The following LTBP2 variants were observed in gnomAD, a reference collection of about 807,000 sequenced individuals.
The protein encoded by LTBP2 is latent transforming growth factor beta binding protein 2.
In LTBP2, 103 loss-of-function variants were observed where a neutral mutation model predicts 210.6. The ratio of observed to expected loss-of-function variants is 0.49; its 90% CI spans 0.42 to 0.58. The LOEUF is 0.58. LTBP2 is among the 20% of genes least tolerant of loss of function. The pLI is 0.00. For synonymous variants in LTBP2, 1,007 were observed against 1,015.0 expected (o/e 0.99, Z 0.15); for missense variants, 2,313 against 2,494.5 (o/e 0.93, Z 1.55).
At chr14:74,602,467 T>C (rs533791300) in intron 2 of LTBP2, among the ~76,000 whole-genome samples, 32 of 152,316 alleles carry the variant, frequency 2.1e-4, no homozygotes, top group African/African-American at 7.2e-4. Flanking sequence ...GAAGGTAAGA[T>C]ACCTGGCAGC....
intron 17 of LTBP2, among the ~76,000 whole-genome samples, chr14:74,518,030 T>G (rs11848797): frequency 1.0e-3 from 152 of 152,108 alleles, no homozygotes; most frequent in Non-Finnish European, 2.0e-3. Context: ...CCACCTGGAG[T>G]CTCTTTCCTC....
At chr14:74,606,973 T>C (rs2088536462) in intron 1 of LTBP2, among the ~76,000 whole-genome samples, 5 of 152,198 alleles carry the variant, frequency 3.3e-5, no homozygotes, top group Admixed American at 3.3e-4. Context: ...ATCTCAGTCT[T>C]GGGTATCTAG....
chr14:74,610,442 C>A (rs2088588986), intron 1 of LTBP2, among the ~76,000 whole-genome samples: 1 of 152,218 alleles, frequency 6.6e-6, no homozygotes, highest in Non-Finnish European at 1.5e-5. Flanking sequence ...ACTCGGGGTA[C>A]AAGTGTCTTT....
At chr14:74,523,765 G>T (rs1361355361) in intron 15 of LTBP2, among the ~76,000 whole-genome samples, 1 of 152,192 alleles carries the variant, frequency 6.6e-6, no homozygotes, top group Non-Finnish European at 1.5e-5. Context: ...TGTCCACCCT[G>T]AAGTCTTTGC....
chr14:74,577,414 A>C (rs1031930940), intron 3 of LTBP2, among the ~76,000 whole-genome samples: 4 of 152,152 alleles, frequency 2.6e-5, no homozygotes, highest in Non-Finnish European at 5.9e-5. Context: ...TCTTGTCACA[A>C]CCTTGGAAAC....
At chr14:74,577,408 G>C (rs1481352930) in intron 3 of LTBP2, among the ~76,000 whole-genome samples, 1 of 151,974 alleles carries the variant, frequency 6.6e-6, no homozygotes, top group African/African-American at 2.4e-5. Context: ...ACATGTTCTT[G>C]TCACAACCTT....
intron 2 of LTBP2, among the ~76,000 whole-genome samples, chr14:74,597,964 G>A (rs114170321): frequency 0.026 from 3,887 of 152,236 alleles, 179 homozygotes; most frequent in African/African-American, 0.086. Flanking sequence ...TTCCCACAGC[G>A]AGGTGCTGCG....
chr14:74,501,165 TC>T, intron 35 of LTBP2, 136 bp from the exon 36 acceptor site: 1 of 1,182,988 alleles, frequency 8.5e-7, no homozygotes, highest in Non-Finnish European at 1.2e-6. Flanking sequence ...TGAAGTCACT[TC>T]CCAAAACCAA....
chr14:74,544,801 C>G (rs1006997114), intron 8 of LTBP2, among the ~76,000 whole-genome samples: 3 of 152,280 alleles, frequency 2.0e-5, no homozygotes, highest in African/African-American at 4.8e-5. Flanking sequence ...GATCTGGAGC[C>G]CACTACTTTT....
intron 3 of LTBP2, among the ~76,000 whole-genome samples, chr14:74,564,367 T>TTATATATA (rs372887593): frequency 9.1e-5 from 3 of 33,146 alleles, no homozygotes; most frequent in African/African-American, 2.1e-4. Context: ...ATATATATAT[T>TTATATATA]TATATATATA....
At position 74,506,639 on chromosome 14, in the gene LTBP2, A is replaced by AG. The variant is rs1464480044; in HGVS notation, c.4033+58dup. On this transcript the variant is annotated intron_variant, in intron 27 of 35. Coordinates refer to ENST00000261978, the MANE Select transcript of LTBP2 (RefSeq NM_000428.3). Reference sequence around the variant, plus strand: ...ACGTGACCAGGACCAGTTGAGGAGGAGGACCCCAGGGCCTTCCCTTCCCTG... The same window carrying AG: ...ACGTGACCAGGACCAGTTGAGGAGGAGGGACCCCAGGGCCTTCCCTTCCCTG... 3 of 1,604,976 alleles carry AG rather than the reference A, an allele frequency of 1.9e-6. No homozygotes were observed. The African/African-American group carries it at 4.0e-5, about 21-fold the overall frequency.
chr14:74,520,616 T>G (rs954747372), intron 17 of LTBP2, among the ~76,000 whole-genome samples: 9 of 152,058 alleles, frequency 5.9e-5, no homozygotes, highest in Non-Finnish European at 1.0e-4. Context: ...GCCTGGCCAA[T>G]ATGGTAAAAC....
rs770132775 is a variant in LTBP2 at position 74,585,944 on chromosome 14, C to A, written c.740G>T (p.Arg247Leu). 50 of 1,613,730 alleles carry A rather than the reference C, an allele frequency of 3.1e-5. No homozygotes were observed. The highest frequency in any genetic ancestry group is 3.4e-6 in the Non-Finnish European group (4 of 1,179,892). ...RRWAERSPNL[R>L]RSSAAGEGTL... ...GCCCTCTCCAGCCGCACTGCTCCTGCGCAGGTTGGGTGAACGCTCGGCCCA... is the reference window on the plus strand; with the variant it reads ...GCCCTCTCCAGCCGCACTGCTCCTGAGCAGGTTGGGTGAACGCTCGGCCCA... The change falls in exon 3 of 36, where the codon CGC becomes CTC. Residue 247 changes from arginine to leucine, a missense_variant. Physicochemically the swap from Arg to Leu is moderately radical, Grantham distance 102. Around this residue, in one of 3 missense-constraint regions of LTBP2, gnomAD observed 1,867 missense variants for 1,976.9 expected, o/e 0.94. Transcript: ENST00000261978.
In LTBP2 at chr14:74,611,630, C is replaced by T; in HGVS notation, c.315G>A (p.Arg105=). Residue 105 remains arginine, a synonymous_variant, in exon 1 of 36, where the codon AGG becomes AGA. Transcript: ENST00000261978. ...GCCGCGACTGCTGCGCGCGGGACGG[C>T]CTCCTGGCCTCCGCCTCGGTGGGCC... is the stretch of plus-strand genomic sequence containing the variant. The part of the protein sequence containing the change: ...PRRPTEAEAR[R]PSRAQQSRRV... The T allele has an allele frequency of 1.3e-6, 2 of 1,557,594 alleles. No individual in the cohort carries two copies. Among genetic ancestry groups the T allele is most frequent in the East Asian group, 4.7e-5 (2 of 42,336 alleles).
intron 3 of LTBP2, among the ~76,000 whole-genome samples, chr14:74,582,554 C>T (rs2088151896): frequency 6.6e-6 from 1 of 152,134 alleles, no homozygotes; most frequent in South Asian, 2.1e-4. Context: ...AGGCACCACA[C>T]TAAGTGTTCT....
At chr14:74,503,418 C>CT in intron 32 of LTBP2, 32 bp from the exon 33 acceptor site, 1 of 1,610,110 alleles carries the variant, frequency 6.2e-7, no homozygotes, top group Non-Finnish European at 8.5e-7. Flanking sequence ...GCACATGAGC[C>CT]CCCCAGCCCA....
intron 7 of LTBP2, among the ~76,000 whole-genome samples, chr14:74,550,727 C>A (rs2087641292): frequency 6.6e-6 from 1 of 152,232 alleles, no homozygotes. Context: ...CAGATCCTAA[C>A]AGCCCCACTG....
At chr14:74,508,505 T>C in intron 24 of LTBP2, 99 bp downstream of exon 24, 4 of 1,534,312 alleles carry the variant, frequency 2.6e-6, no homozygotes, top group Non-Finnish European at 3.5e-6. Flanking sequence ...GACACCACTC[T>C]AGTCTTAGCC....
chr14:74,590,622 G>GAT lies in LTBP2; in HGVS notation c.566-4506_566-4505dup, dbSNP rs546835338. On this transcript the variant is annotated intron_variant, in intron 2 of 35. Coordinates refer to ENST00000261978, the MANE Select transcript of LTBP2 (RefSeq NM_000428.3). Reference sequence around the variant, plus strand: ...GAAAAAGAAAAGAAAAAGAAAATGTGATATATATATACACCATGGAATATT... The same window carrying GAT: ...GAAAAAGAAAAGAAAAAGAAAATGTGATATATATATATACACCATGGAATATT... Among the ~76,000 whole-genome samples the GAT allele has an allele frequency of 1.9e-3, 289 of 152,108 alleles. 1 individual carries two copies. The highest frequency in any genetic ancestry group is 0.014 in the South Asian group (66 of 4,808).
Sources: allele counts gnomAD v4.1 joint callset (sites outside exome capture counted in the v4.1 genomes callset), GRCh38; gene constraint gnomAD v4.1.1; regional missense constraint gnomAD v4.1.1; transcripts MANE v1.5; gene names NCBI Gene and HGNC (gene_info 2026-07-23, HGNC 2026-07-21).